Variants in STARD13 observed in about 807,000 individuals in gnomAD.
STARD13 encodes the protein stAR-related lipid transfer protein 13.
A neutral mutation model predicts 106.4 loss-of-function variants in STARD13; 62 were observed. The observed-to-expected ratio is 0.58, with a 90% CI of 0.48 to 0.72. The LOEUF (loss-of-function observed/expected upper bound fraction) is 0.72, where lower values mean the gene tolerates loss of function less well. Ranked by LOEUF, STARD13 falls within the 30% of genes least tolerant of loss-of-function variation. STARD13 has a pLI of 0.00. For missense variants in STARD13, 1,387 were observed against 1,424.0 expected (o/e 0.97, Z 0.42); for synonymous variants, 565 against 553.0 (o/e 1.02, Z -0.31).
intron 1 of STARD13, among the ~76,000 whole-genome samples, chr13:33,178,332 G>A (rs1298625194): frequency 6.6e-6 from 1 of 152,142 alleles, no homozygotes; most frequent in African/African-American, 2.4e-5. Context: ...AATTCAGGCT[G>A]CCATAATCAT....
At chr13:33,556,762 A>G in the STARD13 span, among the ~76,000 whole-genome samples, 3 of 152,090 alleles carry the variant, frequency 2.0e-5, no homozygotes, top group African/African-American at 4.8e-5. Flanking sequence ...AGGAAAGCAT[A>G]CAACTTTTTT....
chr13:33,126,333 T>C (rs1190659567), intron 6 of STARD13, 93 bp from the exon 7 acceptor site: 20 of 1,233,830 alleles, frequency 1.6e-5, no homozygotes, highest in Non-Finnish European at 1.5e-5. Context: ...CAGGCTTTTG[T>C]TGGAATACCC....
chr13:33,271,295 T>G (rs926031675), intron 1 of STARD13: 7 of 152,206 alleles, frequency 4.6e-5, no homozygotes, highest in African/African-American at 1.7e-4. Flanking sequence ...ATGGCTGAGT[T>G]CCAGATCCAC....
At chr13:33,252,631 A>G (rs1396427419) in intron 1 of STARD13, among the ~76,000 whole-genome samples, 1 of 152,268 alleles carries the variant, frequency 6.6e-6, no homozygotes, top group Non-Finnish European at 1.5e-5. Context: ...GTATTGACCC[A>G]GCAGGTATGT....
chr13:33,473,318 G>A, the STARD13 span, among the ~76,000 whole-genome samples: 1,010 of 152,188 alleles, frequency 6.6e-3, 11 homozygotes, highest in African/African-American at 0.022. Context: ...TAAAAACAAG[G>A]AACTAACATT....
intron 1 of STARD13, among the ~76,000 whole-genome samples, chr13:33,238,713 T>C (rs1197592446): frequency 2.0e-5 from 3 of 152,090 alleles, no homozygotes; most frequent in African/African-American, 7.2e-5. Context: ...TTATCATCCT[T>C]AGGCTTGAGT....
At chr13:33,584,123 A>G in the STARD13 span, among the ~76,000 whole-genome samples, 4 of 152,124 alleles carry the variant, frequency 2.6e-5, no homozygotes, top group Non-Finnish European at 4.4e-5. Flanking sequence ...CTTTGCCAAC[A>G]CTTGTTATTT....
intron 1 of STARD13, among the ~76,000 whole-genome samples, chr13:33,304,623 C>T (rs1312447776): frequency 6.6e-6 from 1 of 152,130 alleles, no homozygotes; most frequent in East Asian, 1.9e-4. Context: ...AGTTAATGTC[C>T]TCCCTGATAG....
chr13:33,329,477 A>G (rs2077812456), intron 1 of STARD13, among the ~76,000 whole-genome samples: 2 of 151,930 alleles, frequency 1.3e-5, no homozygotes, highest in African/African-American at 2.4e-5. Flanking sequence ...CCTACTTTCT[A>G]CTTCTATAGT....
At chr13:33,560,672 C>A in the STARD13 span, among the ~76,000 whole-genome samples, 35,893 of 151,060 alleles carry the variant, frequency 0.24, 5,393 homozygotes, top group East Asian at 0.42. Context: ...ACTTGTAAGC[C>A]CACAAGCTAT....
intron 1 of STARD13, among the ~76,000 whole-genome samples, chr13:33,343,518 C>T (rs2077983237): frequency 7.2e-6 from 1 of 138,528 alleles, no homozygotes; most frequent in Non-Finnish European, 1.5e-5. Flanking sequence ...GTTGAGGCTG[C>T]ACTGAGCCAT....
chr13:33,427,548 CA>C, the STARD13 span, among the ~76,000 whole-genome samples: 1 of 152,122 alleles, frequency 6.6e-6, no homozygotes, highest in Admixed American at 6.5e-5. Context: ...TAAATTCACC[CA>C]ATACTATTTT....
chr13:33,132,907 A>C (rs1878519060), intron 4 of STARD13, among the ~76,000 whole-genome samples: 1 of 152,216 alleles, frequency 6.6e-6, no homozygotes, highest in African/African-American at 2.4e-5. Context: ...TGATATAATG[A>C]AAACTGACAT....
chr13:33,307,099 C>T (rs1467917261), intron 1 of STARD13, among the ~76,000 whole-genome samples: 4 of 152,110 alleles, frequency 2.6e-5, no homozygotes, highest in African/African-American at 9.7e-5. Flanking sequence ...ATCAAAACCA[C>T]AATGAGATAC....
At position 33,146,028 on chromosome 13, in the gene STARD13, A is replaced by T. The variant is rs552039899; in HGVS notation, c.324-3655T>A. Among the ~76,000 whole-genome samples, 51 of 152,142 alleles carry T rather than the reference A, an allele frequency of 3.4e-4. 1 individual carries two copies. The South Asian group carries it at 6.8e-3, about 20-fold the overall frequency. On this transcript the variant is annotated intron_variant, in intron 3 of 13. Coordinates refer to ENST00000336934, the MANE Select transcript of STARD13 (RefSeq NM_178006.4). ...GGAGAGGCCCTGTCGCTACAAAAAA[A>T]ATATATAAAAATTAAGCCGGGTGTG...
the STARD13 span, among the ~76,000 whole-genome samples, chr13:33,607,708 C>A: frequency 6.6e-6 from 1 of 151,960 alleles, no homozygotes; most frequent in South Asian, 2.1e-4. Context: ...CACAGTTAAT[C>A]CTAGAATTTA....
chr13:33,299,683 C>G (rs1264421131), intron 1 of STARD13, among the ~76,000 whole-genome samples: 1 of 152,122 alleles, frequency 6.6e-6, no homozygotes, highest in East Asian at 1.9e-4. Flanking sequence ...CTGCACTGTC[C>G]TTTTACCATC....
chr13:33,573,808 C>T, the STARD13 span, among the ~76,000 whole-genome samples: 1 of 152,096 alleles, frequency 6.6e-6, no homozygotes, highest in Non-Finnish European at 1.5e-5. Flanking sequence ...AGGACCGTCT[C>T]GCTGGGTGTT....
At position 33,104,888 on chromosome 13, in the gene STARD13, A is replaced by AC. The variant is rs202126804; in HGVS notation, c.*704dup. ...GCTTTAAATTTGGTAATGACTTCTC[A>AC]CCCCCCCATTTGCTTTAAGGAGGAG... On this transcript the variant is annotated 3_prime_UTR_variant, in exon 14 of 14. Transcript: ENST00000336934. 793 of 152,520 alleles carry AC rather than the reference A, an allele frequency of 5.2e-3. 1 individual carries two copies. Among genetic ancestry groups the AC allele is most frequent in the Non-Finnish European group, 9.2e-3 (622 of 67,860 alleles). 9.4% of individuals were successfully genotyped at this position (152,520 alleles called of 1,614,324 possible).
Sources: allele counts gnomAD v4.1 joint callset (sites outside exome capture counted in the v4.1 genomes callset), GRCh38; gene constraint gnomAD v4.1.1; transcripts MANE v1.5; gene names NCBI Gene and HGNC (gene_info 2026-07-23, HGNC 2026-07-21).